Variants in S100A6 observed in about 807,000 individuals in gnomAD.
S100A6 encodes the protein S100 calcium binding protein A6, also known as protein S100-A6.
Under a neutral mutation model 3.5 loss-of-function variants are expected in S100A6, and 3 were observed. The ratio of observed to expected loss-of-function variants is 0.87; its 90% confidence interval spans 0.39 to 2.24. S100A6 has a LOEUF of 2.24. Ranked by LOEUF, S100A6 falls within the 30% of genes most tolerant of loss-of-function variation. The pLI, the probability that S100A6 is intolerant of heterozygous loss-of-function variation, is 0.05. For missense variants in S100A6, 114 were observed against 105.3 expected (o/e 1.08, Z -0.36); for synonymous variants, 48 against 45.2 (o/e 1.06, Z -0.25).
At chr1:153,535,177 G>C in intron 2 of S100A6, 25 bp downstream of exon 2, 3 of 1,613,724 alleles carry the variant, frequency 1.9e-6, no homozygotes, top group Non-Finnish European at 2.5e-6. Flanking sequence ...GTGGGAAAAG[G>C]GGTCCTGGGG....
chr1:153,534,808 G>C lies in S100A6; in HGVS notation c.161C>G (p.Ala54Gly). ...IGSKLQDAEI[A>G]RLMEDLDRNK... ...CCGGTCCAAGTCTTCCATCAGCCTT[G>C]CAATTTCAGCATCCTGCAGCTTCTA... is the stretch of plus-strand genomic sequence containing the variant. The change falls in exon 3 of 3, where the codon GCA becomes GGA. Residue 54 changes from alanine (A) to glycine (G), a missense_variant. Transcript: ENST00000368719. 1 of 1,613,468 alleles carries C rather than the reference G, an allele frequency of 6.2e-7. No individual in the cohort carries two copies. The highest frequency in any genetic ancestry group is 8.5e-7 in the Non-Finnish European group (1 of 1,179,880).
chr1:153,534,601 A>C lies in S100A6; in HGVS notation c.*95T>G, dbSNP rs528607475. The C allele has an allele frequency of 6.9e-5, 94 of 1,358,086 alleles. 1 individual carries two copies. The East Asian group carries it at 2.4e-3, about 35-fold the overall frequency. The allele number at this position is 1,358,086 out of a possible 1,614,324, so 84.1% of individuals were successfully genotyped here. ...ATTCGGAAGCCAGGACGCAAGGGTA[A>C]ATTTGACCAAAAAAAATTTATTGTA... On this transcript the variant is annotated 3_prime_UTR_variant, in exon 3 of 3. Coordinates refer to ENST00000368719, the MANE Select transcript of S100A6 (RefSeq NM_014624.4).
chr1:153,535,568 A>C (rs981892552), intron 1 of S100A6, among the ~76,000 whole-genome samples: 3 of 152,178 alleles, frequency 2.0e-5, no homozygotes, highest in African/African-American at 7.2e-5. Flanking sequence ...GGATTCTAAG[A>C]AGCATATAGG....
At chr1:153,535,165 G>C in intron 2 of S100A6, 37 bp downstream of exon 2, 1 of 1,613,148 alleles carries the variant, frequency 6.2e-7, no homozygotes, top group South Asian at 1.1e-5. Flanking sequence ...CAAAGGACAA[G>C]GGTGGGAAAA....
At chr1:153,535,032 C>T in intron 2 of S100A6, 170 bp downstream of exon 2, 2 of 1,117,612 alleles carry the variant, frequency 1.8e-6, no homozygotes, top group Non-Finnish European at 2.5e-6. Context: ...CGGCTGGAAG[C>T]ATCCCCTACC....
Position 153,535,274 on chromosome 1 carries a change from C to G in S100A6, c.66G>C (p.Arg22Ser), listed in dbSNP as rs1670605199. ...TGCTCAGGGTGTGCTTGTCACCCTC[C>G]CTGCCGGAGTACTTGTGGAAGATGG... is the stretch of plus-strand genomic sequence containing the variant. ...LVAIFHKYSGREGDKHTLSKK... is the reference protein window; with the variant it reads ...LVAIFHKYSGSEGDKHTLSKK... The change falls in exon 2 of 3, where the codon AGG becomes AGC. Residue 22 changes from arginine to serine, a missense_variant. Arg to Ser is a moderately radical substitution (Grantham distance 110). Transcript: ENST00000368719. 1 of 1,614,182 alleles carries G rather than the reference C, an allele frequency of 6.2e-7. No homozygotes were observed. The highest frequency in any genetic ancestry group is 1.3e-5 in the African/African-American group (1 of 75,038).
At chr1:153,535,112 A>G (rs1365476190) in intron 2 of S100A6, 90 bp downstream of exon 2, 5 of 1,545,416 alleles carry the variant, frequency 3.2e-6, no homozygotes, top group Non-Finnish European at 4.4e-6. Flanking sequence ...GGTAAATGTG[A>G]GTCAGATGCA....
intron 2 of S100A6, 58 bp from the exon 3 acceptor site, chr1:153,534,888 C>A: frequency 6.4e-7 from 1 of 1,566,714 alleles, no homozygotes; most frequent in South Asian, 1.2e-5. Context: ...TGGATTCTTC[C>A]CCTTCCCCCT....
Position 153,534,615 on chromosome 1 carries a change from A to C in S100A6, c.*81T>G. The C allele has an allele frequency of 2.1e-6, 3 of 1,436,652 alleles. No individual in the cohort carries two copies. Among genetic ancestry groups the C allele is most frequent in the Middle Eastern group, 1.9e-4 (1 of 5,386 alleles). The allele number at this position is 1,436,652 out of a possible 1,614,324, so 89.0% of individuals were successfully genotyped here. On this transcript the variant is annotated 3_prime_UTR_variant, in exon 3 of 3. Transcript: ENST00000368719. ...ACGCAAGGGTAAATTTGACCAAAAA[A>C]AATTTATTGTACAATTACCCACCAC... is the stretch of plus-strand genomic sequence containing the variant.
At chr1:153,534,959 T>C in intron 2 of S100A6, 129 bp from the exon 3 acceptor site, 1 of 1,276,904 alleles carries the variant, frequency 7.8e-7, no homozygotes, top group Non-Finnish European at 1.1e-6. Context: ...CCCATGTCAC[T>C]TTGGCATTGC....
intron 1 of S100A6, among the ~76,000 whole-genome samples, chr1:153,535,598 G>A (rs1187159105): frequency 2.0e-5 from 3 of 152,218 alleles, no homozygotes; most frequent in African/African-American, 2.4e-5. Flanking sequence ...TTTGGGCACA[G>A]CTGAGAACTG....
In S100A6 at chr1:153,535,194, C is replaced by T; in HGVS notation, c.138+8G>A. On this transcript the variant is annotated splice_region_variant and intron_variant, in intron 2 of 2. Transcript: ENST00000368719. ...GGGAAAAGGGGTCCTGGGGAGGAGG[C>T]CACTCACCGAGCCAATGGTGAGCTC... 1 of 1,614,018 alleles carries T rather than the reference C, an allele frequency of 6.2e-7. No homozygotes were observed. The highest frequency in any genetic ancestry group is 1.7e-5 in the Admixed American group (1 of 60,006).
chr1:153,534,910 C>A, intron 2 of S100A6, 80 bp from the exon 3 acceptor site: 1 of 1,539,538 alleles, frequency 6.5e-7, no homozygotes, highest in East Asian at 2.3e-5. Flanking sequence ...CCAGGCAATC[C>A]TCTCTGCAAG....
intron 1 of S100A6, among the ~76,000 whole-genome samples, chr1:153,535,625 G>A (rs139096204): frequency 6.6e-6 from 1 of 152,354 alleles, no homozygotes; most frequent in African/African-American, 2.4e-5. Context: ...AGGGGATCCA[G>A]AAGTTGAGGA....
At chr1:153,535,651 G>A in intron 1 of S100A6, 1 of 280,562 alleles carries the variant, frequency 3.6e-6, no homozygotes, top group Non-Finnish European at 6.9e-6. Context: ...GCTGGGCAGG[G>A]GAGGGGAATG....
chr1:153,535,508 G>A, intron 1 of S100A6, 148 bp from the exon 2 acceptor site: 1 of 824,414 alleles, frequency 1.2e-6, no homozygotes, highest in Non-Finnish European at 1.8e-6. Flanking sequence ...CCCAGGGCTT[G>A]AAGGGGAAGG....
intron 1 of S100A6, chr1:153,535,726 G>C (rs1665163657): frequency 5.4e-6 from 1 of 185,038 alleles, no homozygotes. Context: ...GACACACCCA[G>C]GGCACTCCCT....
chr1:153,534,888 C>T (rs1361185670), intron 2 of S100A6, 58 bp from the exon 3 acceptor site: 3 of 1,566,596 alleles, frequency 1.9e-6, no homozygotes, highest in Non-Finnish European at 2.6e-6. Flanking sequence ...TGGATTCTTC[C>T]CCTTCCCCCT....
rs772804004 is a variant in S100A6, at chr1:153,535,205, G to T, written c.135C>A (p.Gly45=). 6.2e-7 allele frequency: 1 copy of T among 1,614,036 alleles called. No individual in the cohort carries two copies. The highest frequency in any genetic ancestry group is 8.5e-7 in the Non-Finnish European group (1 of 1,180,034). ...KELIQKELTI[G]SKLQDAEIAR... The stretch of plus-strand genomic sequence containing the variant: ...TCCTGGGGAGGAGGCCACTCACCGA[G>T]CCAATGGTGAGCTCCTTCTGGATCA... The change falls in exon 2 of 3, where the codon GGC becomes GGA. Residue 45 remains glycine (G), a synonymous_variant. Coordinates refer to ENST00000368719, the MANE Select transcript of S100A6 (RefSeq NM_014624.4).
Sources: gnomAD v4.1 joint callset for allele counts (sites outside exome capture counted in the v4.1 genomes callset) on GRCh38, gnomAD v4.1.1 for gene constraint, MANE v1.5 for transcripts, NCBI Gene and HGNC (gene_info 2026-07-23, HGNC 2026-07-21) for gene names.